The following OSBPL6 variants were observed in gnomAD, a reference collection of about 807,000 sequenced individuals.
OSBPL6 encodes oxysterol binding protein like 6.
Under a neutral mutation model 125.8 loss-of-function variants are expected in OSBPL6, and 49 were observed. That is an observed-to-expected ratio of 0.39 (90% CI 0.31 to 0.49). OSBPL6 has a LOEUF of 0.49. Among genes scored for constraint, OSBPL6 ranks in the 20% least tolerant of loss-of-function variants. The probability of loss-of-function intolerance (pLI) is 0.88; values close to 1 mark genes in which losing one functional copy is unlikely to be tolerated. For synonymous variants in OSBPL6, 394 were observed against 391.8 expected (o/e 1.01, Z -0.07); for missense variants, 986 against 1,135.4 (o/e 0.87, Z 1.89).
chr2:178,337,388 G>A (rs1689783377), intron 9 of OSBPL6, among the ~76,000 whole-genome samples: 1 of 152,048 alleles, frequency 6.6e-6, no homozygotes, highest in Admixed American at 6.6e-5. Context: ...CCAGCATGTG[G>A]ACTCAAAGTA....
chr2:178,392,511 C>T lies in OSBPL6; in HGVS notation c.2546C>T (p.Thr849Ile). 2 of 1,614,076 alleles carry T rather than the reference C, an allele frequency of 1.2e-6. No individual in the cohort carries two copies. Among genetic ancestry groups the T allele is most frequent in the Non-Finnish European group, 1.7e-6 (2 of 1,179,992 alleles). ...GTACTAAAAGATCTCCTTCCACCAA[C>T]AGACGCCCGGTTCCGGCCAGATCAA... is the stretch of plus-strand genomic sequence containing the variant. ...DPVLKDLLPP[T>I]DARFRPDQRF... The change falls in exon 23 of 25, where the codon ACA (threonine) becomes ATA (isoleucine). Residue 849 changes from threonine (T) to isoleucine (I), a missense_variant. Transcript: ENST00000190611.
intron 1 of OSBPL6, among the ~76,000 whole-genome samples, chr2:178,219,605 A>G (rs1429909293): frequency 6.6e-6 from 1 of 152,208 alleles, no homozygotes; most frequent in Non-Finnish European, 1.5e-5. Flanking sequence ...CGAATGGCTG[A>G]TTCTTGGCAA....
chr2:178,352,796 C>T (rs1008506239), intron 12 of OSBPL6, among the ~76,000 whole-genome samples: 1 of 152,186 alleles, frequency 6.6e-6, no homozygotes, highest in African/African-American at 2.4e-5. Context: ...CACATGGGTC[C>T]CTGACCCCCA....
Position 178,304,235 on chromosome 2 carries a change from C to T in OSBPL6, c.-155-1795C>T, listed in dbSNP as rs563431972. 2.6e-5 allele frequency among the ~76,000 whole-genome samples: 4 copies of T among 152,242 alleles called. No individual in the cohort carries two copies. In the South Asian group the frequency reaches 8.3e-4, roughly 32 times the overall value. On this transcript the variant is annotated intron_variant, in intron 2 of 24. Transcript: ENST00000190611. Reference sequence around the variant, plus strand: ...CTCCCACAAGCTGTATCAGTCAATTCTCATGCTGCTAATAAAGACATACCC... The same window carrying T: ...CTCCCACAAGCTGTATCAGTCAATTTTCATGCTGCTAATAAAGACATACCC...
chr2:178,375,315 A>G (rs1383665854), intron 15 of OSBPL6, among the ~76,000 whole-genome samples: 1 of 152,124 alleles, frequency 6.6e-6, no homozygotes, highest in Non-Finnish European at 1.5e-5. Context: ...AGGGACCACC[A>G]TGCTGTCGAT....
intron 19 of OSBPL6, among the ~76,000 whole-genome samples, chr2:178,386,829 G>A (rs1172319056): frequency 7.6e-6 from 1 of 130,980 alleles, no homozygotes; most frequent in Non-Finnish European, 1.6e-5. Context: ...GAGAAACATA[G>A]ATAGTGGGGG....
In OSBPL6 at chr2:178,232,010, T is replaced by C. The variant is rs1574563761; in HGVS notation, c.-351+37336T>C. On this transcript the variant is annotated intron_variant, in intron 1 of 24. Transcript: ENST00000190611. ...AATCATCTTAGGGGTTCTTAAACTG[T>C]ACTCCTATGCCATAGAAACTAGACA... Among the ~76,000 whole-genome samples, 5 of 152,314 alleles carry C rather than the reference T, an allele frequency of 3.3e-5. 1 individual carries two copies. The highest frequency in any genetic ancestry group is 3.3e-4 in the Admixed American group (5 of 15,304).
At chr2:178,326,633 G>A (rs573136901) in intron 4 of OSBPL6, among the ~76,000 whole-genome samples, 1 of 152,132 alleles carries the variant, frequency 6.6e-6, no homozygotes, top group Non-Finnish European at 1.5e-5. Context: ...ATACTGAGAT[G>A]AGTTGTTTCA....
intron 1 of OSBPL6, among the ~76,000 whole-genome samples, chr2:178,221,147 A>G (rs74745742): frequency 0.048 from 7,235 of 152,308 alleles, 228 homozygotes; most frequent in Middle Eastern, 0.11. Flanking sequence ...TATTCATATC[A>G]AATGTAAATT....
At position 178,331,589 on chromosome 2, in the gene OSBPL6, C is replaced by T. The variant is rs766482338; in HGVS notation, c.356C>T (p.Ser119Leu). Reference protein sequence around the residue: ...FVLDNGMLKYSKAPLDIQKGK... With the variant: ...FVLDNGMLKYLKAPLDIQKGK... ...CTGGATAATGGAATGTTAAAGTATT[C>T]AAAGGCACCACTCGATGTAAGTAGC... Residue 119 changes from serine to leucine, a missense_variant, in exon 6 of 25, where the codon TCA (serine) becomes TTA (leucine). Physicochemically the swap from Ser to Leu is moderately radical, Grantham distance 145. Around this residue, in one of 3 missense-constraint regions of OSBPL6, gnomAD observed 843 missense variants for 997.3 expected, o/e 0.85. Transcript: ENST00000190611. 1.2e-5 allele frequency: 19 copies of T among 1,614,000 alleles called. No homozygotes were observed.
chr2:178,349,610 A>G (rs1055769431), intron 12 of OSBPL6, among the ~76,000 whole-genome samples: 1 of 152,220 alleles, frequency 6.6e-6, no homozygotes, highest in African/African-American at 2.4e-5. Context: ...AGAAAGTGCC[A>G]TGGGGTTGGG....
chr2:178,392,998 C>T (rs78732561), intron 23 of OSBPL6, among the ~76,000 whole-genome samples: 3,383 of 152,144 alleles, frequency 0.022, 83 homozygotes, highest in East Asian at 0.13. Context: ...TTTTCTATGC[C>T]AGGAAAAGCA....
At position 178,245,603 on chromosome 2, in the gene OSBPL6, G is replaced by A. The variant is rs756695617; in HGVS notation, c.-350-39324G>A. Among the ~76,000 whole-genome samples the A allele has an allele frequency of 3.3e-5, 5 of 152,310 alleles. No individual in the cohort carries two copies. In the South Asian group the frequency reaches 8.3e-4, roughly 25 times the overall value. On this transcript the variant is annotated intron_variant, in intron 1 of 24. Coordinates refer to ENST00000190611, the MANE Select transcript of OSBPL6 (RefSeq NM_032523.4). ...ATTGAACAAATGCTACCTGTAGTGGGAAACAAGTATACGTGGGATAACTAG... is the reference window on the plus strand; with the variant it reads ...ATTGAACAAATGCTACCTGTAGTGGAAAACAAGTATACGTGGGATAACTAG...
At chr2:178,197,235 C>G (rs1250615466) in intron 1 of OSBPL6, among the ~76,000 whole-genome samples, 1 of 152,182 alleles carries the variant, frequency 6.6e-6, no homozygotes, top group African/African-American at 2.4e-5. Context: ...CAACCAAATA[C>G]AAACACTAAA....
intron 1 of OSBPL6, among the ~76,000 whole-genome samples, chr2:178,220,414 A>C (rs2090289108): frequency 6.6e-6 from 1 of 152,086 alleles, no homozygotes; most frequent in South Asian, 2.1e-4. Flanking sequence ...CTCCCACCTC[A>C]GTCTCCTTAG....
In OSBPL6 at chr2:178,389,162, T is replaced by C. The variant is rs1695193698; in HGVS notation, c.2301+9T>C. The C allele has an allele frequency of 6.2e-7, 1 of 1,612,278 alleles. No individual in the cohort carries two copies. Among genetic ancestry groups the C allele is most frequent in the Admixed American group, 1.7e-5 (1 of 59,944 alleles). ...AACTCACATTTGTCAAGGTAAATAC[T>C]ATCATACAACAGTAAAGGAAAATGA... On this transcript the variant is annotated intron_variant, in intron 21 of 24. Coordinates refer to ENST00000190611, the MANE Select transcript of OSBPL6 (RefSeq NM_032523.4).
At chr2:178,295,669 A>G (rs549247851) in intron 2 of OSBPL6, among the ~76,000 whole-genome samples, 1 of 152,232 alleles carries the variant, frequency 6.6e-6, no homozygotes, top group Admixed American at 6.5e-5. Context: ...TGGACAATGG[A>G]AGTCCTGTGG....
chr2:178,359,939 T>C (rs920243063), intron 12 of OSBPL6, among the ~76,000 whole-genome samples: 2 of 152,180 alleles, frequency 1.3e-5, no homozygotes, highest in African/African-American at 4.8e-5. Context: ...TTACGAAAAT[T>C]AGTCAGGCGT....
intron 3 of OSBPL6, among the ~76,000 whole-genome samples, chr2:178,321,416 G>C (rs1251977907): frequency 6.6e-6 from 1 of 151,826 alleles, no homozygotes; most frequent in Non-Finnish European, 1.5e-5. Context: ...TATAGCTGCT[G>C]GTGTAAAAAA....
Sources: allele counts gnomAD v4.1 joint callset (sites outside exome capture counted in the v4.1 genomes callset), GRCh38; gene constraint gnomAD v4.1.1; regional missense constraint gnomAD v4.1.1; transcripts MANE v1.5; gene names NCBI Gene and HGNC (gene_info 2026-07-23, HGNC 2026-07-21).